Variants in ABCB1 observed in about 807,000 individuals in gnomAD.
The protein encoded by ABCB1 is ATP binding cassette subfamily B member 1.
Under a neutral mutation model 142.0 loss-of-function variants are expected in ABCB1, and 69 were observed. The ratio of observed to expected loss-of-function variants is 0.49; its 90% CI spans 0.40 to 0.59. The LOEUF is 0.59. Among genes scored for constraint, ABCB1 ranks in the 20% least tolerant of loss-of-function variants. The pLI is 0.00. For synonymous variants in ABCB1, 532 were observed against 539.2 expected (o/e 0.99, Z 0.18); for missense variants, 1,326 against 1,554.7 (o/e 0.85, Z 2.47).
chr7:87,636,632 C>G (rs1392680455), intron 1 of ABCB1, among the ~76,000 whole-genome samples: 1 of 152,184 alleles, frequency 6.6e-6, no homozygotes, highest in Non-Finnish European at 1.5e-5. Context: ...CAGCCTACTC[C>G]AAAGTAATGA....
intron 21 of ABCB1, chr7:87,521,594 T>G: frequency 1.3e-6 from 1 of 759,864 alleles, no homozygotes; most frequent in Non-Finnish European, 2.4e-6. Flanking sequence ...ATGGATTGCG[T>G]GGTAATGAGA....
chr7:87,697,189 C>T (rs992911932), intron 1 of ABCB1, among the ~76,000 whole-genome samples: 10 of 152,202 alleles, frequency 6.6e-5, no homozygotes, highest in African/African-American at 2.4e-4. Flanking sequence ...TTATCTTTCT[C>T]TGTGGTTACC....
At chr7:87,602,598 C>G (rs963910301), upstream of ABCB1, among the ~76,000 whole-genome samples, 22 of 152,000 alleles carry the variant, frequency 1.4e-4, no homozygotes, top group African/African-American at 5.1e-4. Flanking sequence ...GCCTTAAACC[C>G]TCCCTAAACA....
chr7:87,623,399 A>G (rs113629994), intron 1 of ABCB1, among the ~76,000 whole-genome samples: 1,740 of 152,286 alleles, frequency 0.011, 19 homozygotes, highest in Non-Finnish European at 0.015. Context: ...CCTTTACCCA[A>G]TGACTTTTTA....
intron 25 of ABCB1, among the ~76,000 whole-genome samples, chr7:87,510,268 C>T (rs1370072838): frequency 6.6e-6 from 1 of 152,210 alleles, no homozygotes; most frequent in Non-Finnish European, 1.5e-5. Context: ...AAATAAATAA[C>T]AACTATGACC....
chr7:87,563,367 A>C (rs1158092993), intron 7 of ABCB1: 1 of 455,492 alleles, frequency 2.2e-6, no homozygotes, highest in South Asian at 1.6e-5. Flanking sequence ...CAACAAAAAA[A>C]CTTTGGGCCA....
At chr7:87,600,955 C>T (rs923259366), upstream of ABCB1, 1 of 152,314 alleles carries the variant, frequency 6.6e-6, no homozygotes, top group Non-Finnish European at 1.5e-5. Flanking sequence ...CTGTTCCTGC[C>T]CAGCCAATCA....
intron 4 of ABCB1, among the ~76,000 whole-genome samples, chr7:87,580,321 T>G (rs1818455500): frequency 6.6e-6 from 1 of 152,224 alleles, no homozygotes; most frequent in African/African-American, 2.4e-5. Flanking sequence ...CATTGGATAT[T>G]CTATTTTAGG....
intron 1 of ABCB1, among the ~76,000 whole-genome samples, chr7:87,627,027 G>A (rs1005841323): frequency 1.3e-5 from 2 of 152,270 alleles, no homozygotes; most frequent in South Asian, 4.1e-4. Flanking sequence ...GCCCGCCTCA[G>A]CCTCCCAAAG....
At chr7:87,642,901 CTCTT>C (rs1167767946) in intron 1 of ABCB1, among the ~76,000 whole-genome samples, 1 of 151,996 alleles carries the variant, frequency 6.6e-6, no homozygotes, top group Non-Finnish European at 1.5e-5. Context: ...ACACATCTGT[CTCTT>C]TATTTAATTT....
chr7:87,562,194 G>C (rs1048534257), intron 7 of ABCB1, among the ~76,000 whole-genome samples: 5 of 152,308 alleles, frequency 3.3e-5, no homozygotes, highest in Admixed American at 3.3e-4. Flanking sequence ...AAAGTAAAAG[G>C]AGCTATGACA....
At chr7:87,548,904 A>G (rs1197970432) in intron 14 of ABCB1, among the ~76,000 whole-genome samples, 2 of 152,202 alleles carry the variant, frequency 1.3e-5, no homozygotes, top group African/African-American at 4.8e-5. Context: ...TATTTCGCAT[A>G]GAGTCTTCAA....
chr7:87,518,412 C>T (rs966396119), intron 23 of ABCB1, among the ~76,000 whole-genome samples: 5 of 152,034 alleles, frequency 3.3e-5, no homozygotes, highest in African/African-American at 1.2e-4. Context: ...TAATCAAAGC[C>T]CCAATGCCAG....
chr7:87,548,023 G>T (rs1265193775), intron 14 of ABCB1, among the ~76,000 whole-genome samples: 3 of 145,892 alleles, frequency 2.1e-5, no homozygotes, highest in African/African-American at 7.7e-5. Flanking sequence ...AACAAGAAAA[G>T]AAAAGATAAG....
intron 1 of ABCB1, among the ~76,000 whole-genome samples, chr7:87,656,540 A>G (rs1054919739): frequency 3.3e-5 from 5 of 152,086 alleles, no homozygotes; most frequent in African/African-American, 1.2e-4. Flanking sequence ...CTTGAGAAAA[A>G]ATGATAGGAG....
At chr7:87,510,196 T>C (rs1489152556) in intron 25 of ABCB1, among the ~76,000 whole-genome samples, 1 of 152,236 alleles carries the variant, frequency 6.6e-6, no homozygotes, top group African/African-American at 2.4e-5. Context: ...CTGAGATGTA[T>C]CCTGACAGCC....
chr7:87,607,005 TAA>T (rs1819679103), intron 1 of ABCB1, among the ~76,000 whole-genome samples: 1 of 152,102 alleles, frequency 6.6e-6, no homozygotes, highest in Admixed American at 6.5e-5. Context: ...CATTTATTAA[TAA>T]GTTTCTCATA....
At chr7:87,633,512 T>G (rs1038678688) in intron 1 of ABCB1, among the ~76,000 whole-genome samples, 1 of 152,228 alleles carries the variant, frequency 6.6e-6, no homozygotes, top group Non-Finnish European at 1.5e-5. Context: ...TCTTTGAGCT[T>G]TTGCATCCTT....
At chr7:87,642,787 A>G (rs1264217995) in intron 1 of ABCB1, among the ~76,000 whole-genome samples, 3 of 152,216 alleles carry the variant, frequency 2.0e-5, no homozygotes, top group Non-Finnish European at 4.4e-5. Context: ...TTATATAGCA[A>G]TACAAGATGT....
Sources: gnomAD v4.1 joint callset for allele counts (sites outside exome capture counted in the v4.1 genomes callset) on GRCh38, gnomAD v4.1.1 for gene constraint, MANE v1.5 for transcripts, NCBI Gene and HGNC (gene_info 2026-07-23, HGNC 2026-07-21) for gene names.